The following PRKCB variants were observed in gnomAD, a reference collection of about 807,000 sequenced individuals.
The protein encoded by PRKCB is protein kinase C beta type.
In PRKCB, 13 loss-of-function variants were observed where a neutral mutation model predicts 81.5. The observed-to-expected ratio is 0.16, with a 90% CI of 0.10 to 0.25. The LOEUF (loss-of-function observed/expected upper bound fraction) is 0.25, where lower values mean the gene tolerates loss of function less well. Among genes scored for constraint, PRKCB ranks in the 10% least tolerant of loss-of-function variants. The probability of loss-of-function intolerance (pLI) is 1.00; values close to 1 mark genes in which losing one functional copy is unlikely to be tolerated. For synonymous variants in PRKCB, 335 were observed against 321.4 expected (o/e 1.04, Z -0.45); for missense variants, 509 against 875.7 (o/e 0.58, Z 5.29).
At chr16:23,902,593 T>C (rs1418038440) in intron 2 of PRKCB, among the ~76,000 whole-genome samples, 1 of 152,164 alleles carries the variant, frequency 6.6e-6, no homozygotes, top group Non-Finnish European at 1.5e-5. Context: ...CTCTAGCTAG[T>C]GTTCGAAACC....
chr16:23,836,408 C>T, intron 1 of PRKCB, 60 bp downstream of exon 1: 1 of 1,551,932 alleles, frequency 6.4e-7, no homozygotes, highest in South Asian at 1.1e-5. Context: ...GCGCCAGGGA[C>T]CCCCTCTCCG....
At position 24,071,436 on chromosome 16, in the gene PRKCB, T is replaced by TAAAAAA. The variant is rs398042091; in HGVS notation, c.530-21334_530-21329dup. On this transcript the variant is annotated intron_variant, in intron 5 of 16. Transcript: ENST00000643927. ...CTGGGTAACATGGTGAGACCCTGTC[T>TAAAAAA]AAAAAAAAAAAAAAAAAAAAAAAAA... 3.7e-3 allele frequency among the ~76,000 whole-genome samples: 212 copies of TAAAAAA among 57,284 alleles called. 12 individuals carry two copies. Among genetic ancestry groups the TAAAAAA allele is most frequent in the African/African-American group, 0.011 (200 of 17,400 alleles). 37.6% of individuals were successfully genotyped at this position (57,284 alleles called of 152,430 possible). A position where few individuals can be genotyped will look rare whatever the true frequency, so the allele number is the denominator to read the frequency against.
At chr16:24,090,894 T>G (rs894157746) in intron 5 of PRKCB, among the ~76,000 whole-genome samples, 1 of 152,194 alleles carries the variant, frequency 6.6e-6, no homozygotes, top group Non-Finnish European at 1.5e-5. Context: ...CTTTCCAATA[T>G]TCTTTCTTCT....
At chr16:23,863,182 G>A (rs1962707027) in intron 2 of PRKCB, among the ~76,000 whole-genome samples, 1 of 66,338 alleles carries the variant, frequency 1.5e-5, no homozygotes, top group Non-Finnish European at 2.9e-5. Flanking sequence ...GTATATATGT[G>A]TATACATACA....
At chr16:24,158,541 A>AT (rs1567395933) in intron 10 of PRKCB, among the ~76,000 whole-genome samples, 1 of 105,668 alleles carries the variant, frequency 9.5e-6, no homozygotes, top group East Asian at 2.8e-4. Flanking sequence ...TATATGTATA[A>AT]GTATATGTAT....
In PRKCB at chr16:24,096,664, AAAATATATAT is replaced by A. The variant is rs1424249425; in HGVS notation, c.821+2369_821+2378del. Among the ~76,000 whole-genome samples, 181 of 85,412 alleles carry A rather than the reference AAAATATATAT, an allele frequency of 2.1e-3. 6 individuals carry two copies. The highest frequency in any genetic ancestry group is 3.2e-3 in the South Asian group (6 of 1,862). 56.0% of individuals were successfully genotyped at this position (85,412 alleles called of 152,430 possible). A position where few individuals can be genotyped will look rare whatever the true frequency, so the allele number is the denominator to read the frequency against. On this transcript the variant is annotated intron_variant, in intron 7 of 16. Transcript: ENST00000643927. ...TCCCTTCCTATGGCAAAAAAAAAAA[AAAATATATAT>A]ATATATATATATATATATATATATA...
intron 2 of PRKCB, among the ~76,000 whole-genome samples, chr16:23,849,635 A>G (rs749077868): frequency 2.0e-4 from 31 of 152,186 alleles, no homozygotes; most frequent in Non-Finnish European, 2.9e-4. Flanking sequence ...CATATAGAGT[A>G]GAGAAGGACT....
intron 16 of PRKCB, among the ~76,000 whole-genome samples, chr16:24,208,669 C>T (rs1968084977): frequency 3.3e-5 from 5 of 151,956 alleles, no homozygotes; most frequent in Admixed American, 3.3e-4. Flanking sequence ...GCCAGAGAGG[C>T]AGGTGCAATC....
intron 2 of PRKCB, among the ~76,000 whole-genome samples, chr16:23,924,074 T>A (rs761247523): frequency 2.0e-5 from 3 of 152,042 alleles, no homozygotes; most frequent in Admixed American, 6.6e-5. Context: ...ATAATCCCCA[T>A]GTGTCTAGGG....
chr16:24,000,112 T>C (rs1965012564), intron 3 of PRKCB, among the ~76,000 whole-genome samples: 2 of 152,182 alleles, frequency 1.3e-5, no homozygotes, highest in South Asian at 4.1e-4. Flanking sequence ...TCTGGCCAAG[T>C]CCAGATTCAA....
chr16:24,148,772 T>C (rs984568354), intron 9 of PRKCB, among the ~76,000 whole-genome samples: 1 of 152,238 alleles, frequency 6.6e-6, no homozygotes, highest in Non-Finnish European at 1.5e-5. Context: ...GAACCCAGGC[T>C]ACTGCTTATT....
intron 2 of PRKCB, among the ~76,000 whole-genome samples, chr16:23,967,864 G>A (rs908184166): frequency 3.9e-5 from 6 of 152,172 alleles, no homozygotes; most frequent in East Asian, 1.9e-4. Context: ...TGTTGGCCAG[G>A]TTGGCCTTGA....
At chr16:24,180,679 T>C (rs932485767) in intron 12 of PRKCB, 111 bp from the exon 13 acceptor site, 2 of 1,339,416 alleles carry the variant, frequency 1.5e-6, no homozygotes, top group Non-Finnish European at 2.1e-6. Context: ...TCTACTGACC[T>C]TTGTGCCCAC....
intron 5 of PRKCB, among the ~76,000 whole-genome samples, chr16:24,047,213 G>A (rs767626992): frequency 3.3e-5 from 5 of 152,072 alleles, no homozygotes; most frequent in Middle Eastern, 3.4e-3. Context: ...GTGGTGGTGC[G>A]TGTCTGCAGT....
At position 24,191,316 on chromosome 16, in the gene PRKCB, G is replaced by A. The variant is rs756296998; in HGVS notation, c.1863+86G>A. On this transcript the variant is annotated intron_variant, in intron 16 of 16. Transcript: ENST00000643927. ...CTCATGTTTTCCAAATGCTCCCTGA[G>A]GGGTAGACGTCAATGTGTCTACTGG... 8.1e-6 allele frequency: 12 copies of A among 1,489,976 alleles called. No homozygotes were observed. In the East Asian group the frequency reaches 2.5e-4, roughly 31 times the overall value. The allele number at this position is 1,489,976 out of a possible 1,614,324, so 92.3% of individuals were successfully genotyped here.
intron 2 of PRKCB, among the ~76,000 whole-genome samples, chr16:23,984,573 A>G (rs891977884): frequency 1.3e-5 from 2 of 152,186 alleles, no homozygotes; most frequent in Non-Finnish European, 2.9e-5. Flanking sequence ...ACATGATAGA[A>G]AGATAAAAAT....
intron 2 of PRKCB, among the ~76,000 whole-genome samples, chr16:23,902,103 T>C (rs1357846372): frequency 1.3e-5 from 2 of 152,074 alleles, no homozygotes; most frequent in African/African-American, 4.8e-5. Context: ...ATAAACAGCC[T>C]CACCCAGCAG....
intron 9 of PRKCB, among the ~76,000 whole-genome samples, chr16:24,125,318 C>G (rs1411171841): frequency 1.8e-5 from 1 of 55,434 alleles, no homozygotes; most frequent in Admixed American, 1.9e-4. Context: ...TATCATCTGG[C>G]CCTTGTTCTC....
At chr16:24,049,755 A>C (rs916817977) in intron 5 of PRKCB, among the ~76,000 whole-genome samples, 1 of 152,248 alleles carries the variant, frequency 6.6e-6, no homozygotes, top group Non-Finnish European at 1.5e-5. Context: ...TGTTCAGGTT[A>C]CACTGGAAAA....
Sources: gnomAD v4.1 joint callset for allele counts (sites outside exome capture counted in the v4.1 genomes callset) on GRCh38, gnomAD v4.1.1 for gene constraint, MANE v1.5 for transcripts, NCBI Gene and HGNC (gene_info 2026-07-23, HGNC 2026-07-21) for gene names.